Variants in AP1M2 observed in about 807,000 individuals in gnomAD.
AP1M2 encodes adaptor related protein complex 1 subunit mu 2.
In AP1M2, 41 loss-of-function variants were observed where a neutral mutation model predicts 54.6. That is an observed-to-expected ratio of 0.75 (90% CI 0.59 to 0.97). The LOEUF is 0.97. Ranked by LOEUF, AP1M2 falls within the 50% of genes least tolerant of loss-of-function variation. The probability of loss-of-function intolerance (pLI) is 0.00; values close to 1 mark genes in which losing one functional copy is unlikely to be tolerated. For missense variants in AP1M2, 507 were observed against 561.2 expected, an observed-to-expected ratio of 0.90 and a Z score of 0.98; for synonymous variants, 219 against 215.9, an observed-to-expected ratio of 1.01 and a Z score of -0.13.
chr19:10,581,317 G>C lies in AP1M2; in HGVS notation c.622C>G (p.Pro208Ala). ...IKLKVFLSGM[P>A]ELRLGLNDRV... ...TCATTGAGGCCCAGCCGCAGCTCTG[G>C]CATTCCTGACAGAAACACCTTGAGC... Residue 208 changes from proline to alanine, a missense_variant, in exon 6 of 12, where the codon CCA becomes GCA. Pro to Ala is a conservative substitution (Grantham distance 27, BLOSUM62 -1). Transcript: ENST00000250244. 1 of 1,613,894 alleles carries C rather than the reference G, an allele frequency of 6.2e-7. No individual in the cohort carries two copies. Among genetic ancestry groups the C allele is most frequent in the South Asian group, 1.1e-5 (1 of 91,076 alleles).
chr19:10,584,334 AT>A (rs1917563763), intron 1 of AP1M2, among the ~76,000 whole-genome samples: 1 of 152,206 alleles, frequency 6.6e-6, no homozygotes, highest in Non-Finnish European at 1.5e-5. Flanking sequence ...TGATCCCAGC[AT>A]TTTGGGAGGC....
intron 7 of AP1M2, 49 bp from the exon 8 acceptor site, chr19:10,579,012 C>CTTAT: frequency 2.1e-6 from 2 of 930,730 alleles, no homozygotes; most frequent in Non-Finnish European, 3.1e-6. Context: ...TGTTGACTCT[C>CTTAT]TTCTTTTTTT....
intron 9 of AP1M2, among the ~76,000 whole-genome samples, chr19:10,575,842 C>G (rs1917212221): frequency 7.1e-6 from 1 of 140,332 alleles, no homozygotes; most frequent in African/African-American, 2.7e-5. Context: ...TCTTGGCTCA[C>G]TGCAAGCTCC....
chr19:10,577,697 A>G (rs1471100446), intron 8 of AP1M2, among the ~76,000 whole-genome samples: 3 of 145,268 alleles, frequency 2.1e-5, no homozygotes. Context: ...GGCCTCTCAA[A>G]GTGCTGGGAT....
At chr19:10,579,969 GC>G in intron 6 of AP1M2, 111 bp from the exon 7 acceptor site, 1 of 1,167,400 alleles carries the variant, frequency 8.6e-7, no homozygotes, top group Non-Finnish European at 1.2e-6. Context: ...GGAAACTGGG[GC>G]CCAGAGAGAA....
intron 1 of AP1M2, chr19:10,584,888 A>G (rs1392746503): frequency 6.6e-6 from 1 of 151,690 alleles, no homozygotes; most frequent in African/African-American, 2.4e-5. Context: ...CCCAGACTTC[A>G]TTTGCACCAA....
At chr19:10,574,538 A>C (rs746972740) in intron 10 of AP1M2, 46 bp from the exon 11 acceptor site, 288 of 1,493,706 alleles carry the variant, frequency 1.9e-4, no homozygotes, top group Non-Finnish European at 2.6e-4. Flanking sequence ...AGGAGGGAGG[A>C]GGCCAGGGCC....
Position 10,572,953 on chromosome 19 carries a change from G to T in AP1M2, c.*113C>A. 8.6e-7 allele frequency: 1 copy of T among 1,169,012 alleles called. No homozygotes were observed. Among genetic ancestry groups the T allele is most frequent in the Non-Finnish European group, 1.2e-6 (1 of 804,756 alleles). 72.4% of individuals were successfully genotyped at this position (1,169,012 alleles called of 1,614,324 possible). A position where few individuals can be genotyped will look rare whatever the true frequency, so the allele number is the denominator to read the frequency against. ...GGTGCTGGGAGCAAGAAACTGCCAAGTCCAGGACCTGCCCTCACACAGACA... is the reference window on the plus strand; with the variant it reads ...GGTGCTGGGAGCAAGAAACTGCCAATTCCAGGACCTGCCCTCACACAGACA... On this transcript the variant is annotated 3_prime_UTR_variant, in exon 12 of 12. Coordinates refer to ENST00000250244, the MANE Select transcript of AP1M2 (RefSeq NM_005498.5).
Position 10,582,287 on chromosome 19 carries a change from C to G in AP1M2, c.268-409G>C, listed in dbSNP as rs190949322. 3.5e-3 allele frequency among the ~76,000 whole-genome samples: 530 copies of G among 149,306 alleles called. 3 individuals are homozygous for G. Among genetic ancestry groups the G allele is most frequent in the African/African-American group, 0.012 (510 of 40,888 alleles). ...TCGATCTCTTGATCTCGTAATCCGC[C>G]CACTTTGGCTTCCCAAAGTGCTGGG... On this transcript the variant is annotated intron_variant, in intron 3 of 11. Coordinates refer to ENST00000250244, the MANE Select transcript of AP1M2 (RefSeq NM_005498.5).
At chr19:10,573,773 C>T (rs1287918292) in intron 11 of AP1M2, among the ~76,000 whole-genome samples, 1 of 151,146 alleles carries the variant, frequency 6.6e-6, no homozygotes, top group Non-Finnish European at 1.5e-5. Flanking sequence ...GCGATCCTCC[C>T]ACCTCAGCCT....
In AP1M2 at chr19:10,586,270, GA is replaced by G. The variant is rs1400473648; in HGVS notation, c.42+919del. 3.5e-5 allele frequency among the ~76,000 whole-genome samples: 5 copies of G among 141,516 alleles called. No homozygotes were observed. In the Admixed American group the frequency reaches 3.6e-4, roughly 10 times the overall value. The allele number at this position is 141,516 out of a possible 152,430, so 92.8% of individuals were successfully genotyped here. A position where few individuals can be genotyped will look rare whatever the true frequency, so the allele number is the denominator to read the frequency against. On this transcript the variant is annotated intron_variant, in intron 1 of 11. Transcript: ENST00000250244. ...TGCACTCCAGCCTGGGTGACAAGGC[GA>G]GACTCTGTCTTGAAAAAAAAAAAAA...
At chr19:10,575,766 T>C (rs1568429592) in intron 9 of AP1M2, among the ~76,000 whole-genome samples, 1 of 125,122 alleles carries the variant, frequency 8.0e-6, no homozygotes, top group Non-Finnish European at 1.6e-5. Context: ...TTTCTTTTTT[T>C]TTCTTTTTTT....
chr19:10,582,403 G>A (rs1917496489), intron 3 of AP1M2, among the ~76,000 whole-genome samples: 1 of 152,030 alleles, frequency 6.6e-6, no homozygotes, highest in Non-Finnish European at 1.5e-5. Flanking sequence ...GCTGCAGTGA[G>A]CCATGAGGAT....
intron 9 of AP1M2, among the ~76,000 whole-genome samples, chr19:10,575,641 C>T (rs1219029664): frequency 6.6e-6 from 1 of 152,144 alleles, no homozygotes; most frequent in Admixed American, 6.6e-5. Context: ...TAAATCCACA[C>T]ACTTCCCGTC....
At chr19:10,579,982 G>A (rs1168038913) in intron 6 of AP1M2, 124 bp from the exon 7 acceptor site, 3 of 919,024 alleles carry the variant, frequency 3.3e-6, no homozygotes, top group Non-Finnish European at 4.6e-6. Flanking sequence ...CAGAGAGAAT[G>A]AGCAAAAACT....
intron 11 of AP1M2, 153 bp downstream of exon 11, chr19:10,574,264 C>T (rs1324916066): frequency 8.5e-6 from 5 of 586,070 alleles, no homozygotes; most frequent in African/African-American, 3.9e-5. Context: ...AAGAGATCCA[C>T]CCGCCTTGGC....
intron 10 of AP1M2, 64 bp downstream of exon 10, chr19:10,574,840 G>C: frequency 5.9e-6 from 9 of 1,520,068 alleles, no homozygotes; most frequent in Non-Finnish European, 7.1e-6. Context: ...CTCGAGCCAA[G>C]GGACAGGAGA....
intron 9 of AP1M2, 68 bp from the exon 10 acceptor site, chr19:10,575,097 A>C: frequency 7.1e-7 from 1 of 1,402,182 alleles, no homozygotes; most frequent in Non-Finnish European, 9.3e-7. Flanking sequence ...CCTTTCAGCA[A>C]CCCCTGGAGT....
Position 10,583,693 on chromosome 19 carries a change from G to A in AP1M2, c.200-20C>T. 6.2e-7 allele frequency: 1 copy of A among 1,610,136 alleles called. No homozygotes were observed. The highest frequency in any genetic ancestry group is 8.5e-7 in the Non-Finnish European group (1 of 1,177,170). On this transcript the variant is annotated intron_variant, in intron 2 of 11. Coordinates refer to ENST00000250244, the MANE Select transcript of AP1M2 (RefSeq NM_005498.5). Reference sequence around the variant, plus strand: ...CCACCACTGGGGCAGCAAGGTTAAGGAAAAGGTGCCATTTATGGAGAAGTA... The same window carrying A: ...CCACCACTGGGGCAGCAAGGTTAAGAAAAAGGTGCCATTTATGGAGAAGTA...
Sources: allele counts gnomAD v4.1 joint callset (sites outside exome capture counted in the v4.1 genomes callset), GRCh38; gene constraint gnomAD v4.1.1; transcripts MANE v1.5; gene names NCBI Gene and HGNC (gene_info 2026-07-23, HGNC 2026-07-21).